PCDHGB1: variants seen among roughly 807,000 people sequenced by gnomAD.
PCDHGB1 encodes protocadherin gamma-B1.
A neutral mutation model predicts 56.6 loss-of-function variants in PCDHGB1; 34 were observed. The ratio of observed to expected loss-of-function variants is 0.60; its 90% confidence interval spans 0.46 to 0.80. The LOEUF is 0.80. Ranked by LOEUF, PCDHGB1 falls within the 30% of genes least tolerant of loss-of-function variation. The probability of loss-of-function intolerance (pLI) is 0.00; values close to 1 mark genes in which losing one functional copy is unlikely to be tolerated. For missense variants in PCDHGB1, 1,278 were observed against 1,204.6 expected, an observed-to-expected ratio of 1.06 and a Z score of -0.90; for synonymous variants, 561 against 505.9, an observed-to-expected ratio of 1.11 and a Z score of -1.46.
intron 1 of PCDHGB1, among the ~76,000 whole-genome samples, chr5:141,454,222 T>C (rs1411974754): frequency 6.6e-6 from 1 of 152,118 alleles, no homozygotes; most frequent in African/African-American, 2.4e-5. Flanking sequence ...ATGAGAAAAG[T>C]AATTGTGATG....
At chr5:141,357,143 A>T (rs1650899741) in intron 1 of PCDHGB1, 1 of 1,613,420 alleles carries the variant, frequency 6.2e-7, no homozygotes, top group South Asian at 1.1e-5. Flanking sequence ...GTCGTCCAGG[A>T]CCATGGCCAG....
At position 141,416,146 on chromosome 5, in the gene PCDHGB1, G is replaced by T. The variant is rs114133295; in HGVS notation, c.2409+63477G>T. 4.2e-3 allele frequency: 636 copies of T among 153,236 alleles called. 7 individuals carry two copies. Among genetic ancestry groups the T allele is most frequent in the South Asian group, 0.03 (145 of 4,832 alleles). 9.5% of individuals were successfully genotyped at this position (153,236 alleles called of 1,614,324 possible). Reference sequence around the variant, plus strand: ...TATATTTTTCAATCTATACTTTGTGGTGATAGTTGCAGTTGAATATACTAA... The same window carrying T: ...TATATTTTTCAATCTATACTTTGTGTTGATAGTTGCAGTTGAATATACTAA... On this transcript the variant is annotated intron_variant, in intron 1 of 3. Transcript: ENST00000523390.
chr5:141,357,426 C>T (rs779091289), intron 1 of PCDHGB1: 34 of 1,614,084 alleles, frequency 2.1e-5, no homozygotes, highest in South Asian at 1.2e-4. Context: ...ACTTTGTGGG[C>T]GTGGACGGGG....
chr5:141,356,130 G>A lies in PCDHGB1; in HGVS notation c.2409+3461G>A, dbSNP rs759875517. ...CAATATTGGGGGGTCTAGATTATGA[G>A]GACTCTGGATTCTATGACATAGATG... On this transcript the variant is annotated intron_variant, in intron 1 of 3. Transcript: ENST00000523390. 3.7e-6 allele frequency: 6 copies of A among 1,613,810 alleles called. No homozygotes were observed. The East Asian group carries it at 1.1e-4, about 30-fold the overall frequency.
chr5:141,351,988 C>G lies in PCDHGB1; in HGVS notation c.1728C>G (p.Arg576=). The part of the protein sequence containing the change: ...DGSALFDMVP[R]AAEPGYLVTK... ...CCGCCCTCTTCGATATGGTGCCACG[C>G]GCCGCAGAGCCCGGCTACCTGGTGA... is the stretch of plus-strand genomic sequence containing the variant. Residue 576 remains arginine, a synonymous_variant, in exon 1 of 4, where the codon CGC becomes CGG. Coordinates refer to ENST00000523390, the MANE Select transcript of PCDHGB1 (RefSeq NM_018922.3). 6.2e-7 allele frequency: 1 copy of G among 1,611,428 alleles called. No homozygotes were observed. The highest frequency in any genetic ancestry group is 8.5e-7 in the Non-Finnish European group (1 of 1,179,550).
At position 141,431,413 on chromosome 5, in the gene PCDHGB1, C is replaced by A; in HGVS notation, c.2410-63394C>A. ...TGGTCCTTACGGCCTCCGACGGGGG[C>A]GACCCGGTGCGCACAGGCACCGCGC... On this transcript the variant is annotated intron_variant, in intron 1 of 3. Transcript: ENST00000523390. This position sits in a 1 kb window ranked among gnomAD's most constrained non-coding sequence, Gnocchi z 4.8. The A allele has an allele frequency of 6.2e-7, 1 of 1,613,682 alleles. No homozygotes were observed. Among genetic ancestry groups the A allele is most frequent in the Non-Finnish European group, 8.5e-7 (1 of 1,180,044 alleles).
chr5:141,431,670 T>C lies in PCDHGB1; in HGVS notation c.2410-63137T>C, dbSNP rs767342240. 1 of 1,614,070 alleles carries C rather than the reference T, an allele frequency of 6.2e-7. No homozygotes were observed. The highest frequency in any genetic ancestry group is 8.5e-7 in the Non-Finnish European group (1 of 1,180,026). On this transcript the variant is annotated intron_variant, in intron 1 of 3. Coordinates refer to ENST00000523390, the MANE Select transcript of PCDHGB1 (RefSeq NM_018922.3). This position sits in a 1 kb window ranked among gnomAD's most constrained non-coding sequence, Gnocchi z 4.8. ...TGTAATTCAGGGACAATATCAACAATAGGGGAGTTGGACCACGAGGAGTCA... is the reference window on the plus strand; with the variant it reads ...TGTAATTCAGGGACAATATCAACAACAGGGGAGTTGGACCACGAGGAGTCA...
At chr5:141,359,855 TAAAA>T (rs1343900120) in intron 1 of PCDHGB1, among the ~76,000 whole-genome samples, 2 of 151,960 alleles carry the variant, frequency 1.3e-5, no homozygotes, top group Non-Finnish European at 2.9e-5. Context: ...CTTTATAAAT[TAAAA>T]AAGAAAAGAA....
intron 1 of PCDHGB1, among the ~76,000 whole-genome samples, chr5:141,462,829 G>T (rs770335372): frequency 4.6e-5 from 7 of 152,130 alleles, no homozygotes; most frequent in Non-Finnish European, 8.8e-5. Flanking sequence ...AGCAGACATT[G>T]TAAATGTTAT....
At chr5:141,415,935 C>T (rs2095972319) in intron 1 of PCDHGB1, 1 of 601,888 alleles carries the variant, frequency 1.7e-6, no homozygotes, top group Non-Finnish European at 2.4e-6. Flanking sequence ...TTTATATTTC[C>T]TCCTGGGTGG....
intron 1 of PCDHGB1, chr5:141,355,561 G>A (rs754992757): frequency 5.0e-6 from 8 of 1,613,922 alleles, no homozygotes; most frequent in East Asian, 2.2e-5. Flanking sequence ...GCGGGTAGAG[G>A]TGGAAATAAT....
intron 1 of PCDHGB1, chr5:141,387,776 A>G: frequency 6.9e-7 from 1 of 1,452,928 alleles, no homozygotes; most frequent in Non-Finnish European, 9.2e-7. Flanking sequence ...TTTTTCTTGA[A>G]CTGGAACTGC....
At position 141,485,149 on chromosome 5, in the gene PCDHGB1, A is replaced by G; in HGVS notation, c.2410-9658A>G. 6.3e-7 allele frequency: 1 copy of G among 1,578,106 alleles called. No individual in the cohort carries two copies. Among genetic ancestry groups the G allele is most frequent in the South Asian group, 1.1e-5 (1 of 89,070 alleles). ...CGGCTTCATCCGCGTCTCAGGAGCA[A>G]GTAGAGAATTAGCGGGCGGCAGCAA... On this transcript the variant is annotated intron_variant, in intron 1 of 3. Transcript: ENST00000523390. This position sits in a 1 kb window ranked among gnomAD's most constrained non-coding sequence, Gnocchi z 5.7.
chr5:141,405,265 C>T lies in PCDHGB1; in HGVS notation c.2409+52596C>T, dbSNP rs769240639. The T allele has an allele frequency of 4.3e-6, 7 of 1,614,106 alleles. No homozygotes were observed. In the Admixed American group the frequency reaches 1.2e-4, roughly 27 times the overall value. Reference sequence around the variant, plus strand: ...CAAGGAAGAGTCACCTGATCTTCCCCCAGCCCAACTATGCAGACACACTCA... The same window carrying T: ...CAAGGAAGAGTCACCTGATCTTCCCTCAGCCCAACTATGCAGACACACTCA... On this transcript the variant is annotated intron_variant, in intron 1 of 3. Coordinates refer to ENST00000523390, the MANE Select transcript of PCDHGB1 (RefSeq NM_018922.3).
intron 1 of PCDHGB1, among the ~76,000 whole-genome samples, chr5:141,397,195 GAT>G (rs2093485710): frequency 1.3e-5 from 2 of 152,150 alleles, no homozygotes; most frequent in Admixed American, 1.3e-4. Context: ...TACTGTAAAA[GAT>G]ATGACATAAG....
At chr5:141,360,727 C>T in intron 1 of PCDHGB1, 1 of 1,613,988 alleles carries the variant, frequency 6.2e-7, no homozygotes, top group Non-Finnish European at 8.5e-7. Context: ...GATTCTAAAA[C>T]ACTCTCTGGA....
chr5:141,419,175 C>A lies in PCDHGB1; in HGVS notation c.2409+66506C>A, dbSNP rs185228661. On this transcript the variant is annotated intron_variant, in intron 1 of 3. Transcript: ENST00000523390. Reference sequence around the variant, plus strand: ...CCGTTATCCTCCAGCAAAACCATAACCCTGCACATTACTGACGTCAATGAC... The same window carrying A: ...CCGTTATCCTCCAGCAAAACCATAAACCTGCACATTACTGACGTCAATGAC... The A allele has an allele frequency of 5.2e-4, 837 of 1,613,966 alleles. 3 individuals carry two copies. Among genetic ancestry groups the A allele is most frequent in the Non-Finnish European group, 9.3e-5 (110 of 1,179,894 alleles).
rs143509166 is a variant in PCDHGB1 at position 141,395,182 on chromosome 5, C to T, written c.2409+42513C>T. On this transcript the variant is annotated intron_variant, in intron 1 of 3. Transcript: ENST00000523390. ...CAGGAGGGCTGTGAGAAAAATGATT[C>T]TTTGTTAACATCCGTAGATTTTCAT... 141 of 1,614,114 alleles carry T rather than the reference C, an allele frequency of 8.7e-5. 2 individuals are homozygous for T. The Middle Eastern group carries it at 1.8e-3, about 21-fold the overall frequency.
At chr5:141,370,481 C>G (rs1766946658) in intron 1 of PCDHGB1, 2 of 1,613,770 alleles carry the variant, frequency 1.2e-6, no homozygotes, top group African/African-American at 2.7e-5. Flanking sequence ...ACCAGGCTCT[C>G]TCCGAACCGA....
Sources: gnomAD v4.1 joint callset for allele counts (sites outside exome capture counted in the v4.1 genomes callset) on GRCh38, gnomAD v4.1.1 for gene constraint, Gnocchi (gnomAD v3.1) non-coding constraint, MANE v1.5 for transcripts, NCBI Gene and HGNC (gene_info 2026-07-23, HGNC 2026-07-21) for gene names.